Variants in KDM4A observed in about 807,000 individuals in gnomAD.
KDM4A encodes lysine-specific demethylase 4A.
In KDM4A, 23 loss-of-function variants were observed where a neutral mutation model predicts 127.1. The ratio of observed to expected loss-of-function variants is 0.18; its 90% confidence interval spans 0.13 to 0.26. The LOEUF is 0.26. Ranked by LOEUF, KDM4A falls within the 10% of genes least tolerant of loss-of-function variation. KDM4A has a pLI of 1.00. For synonymous variants in KDM4A, 443 were observed against 466.5 expected, an observed-to-expected ratio of 0.95 and a Z score of 0.65; for missense variants, 890 against 1,329.1, an observed-to-expected ratio of 0.67 and a Z score of 5.14.
At chr1:43,689,658 C>G (rs1352908353) in intron 13 of KDM4A, among the ~76,000 whole-genome samples, 4 of 152,204 alleles carry the variant, frequency 2.6e-5, no homozygotes, top group African/African-American at 9.7e-5. Context: ...ATTGGTGGAT[C>G]TCTTTGGGTC....
Position 43,704,912 on chromosome 1 carries a change from G to C in KDM4A, c.*542G>C, listed in dbSNP as rs1661514748. 1 of 156,148 alleles carries C rather than the reference G, an allele frequency of 6.4e-6. No individual in the cohort carries two copies. The highest frequency in any genetic ancestry group is 2.0e-4 in the South Asian group (1 of 5,076). The allele number at this position is 156,148 out of a possible 1,614,324, so 9.7% of individuals were successfully genotyped here. ...TTCTGCCCTCAGCTGAGCTGAGTAA[G>C]GGCTCCTGGGGGTTGGCTGGAGATG... On this transcript the variant is annotated 3_prime_UTR_variant, in exon 22 of 22. Coordinates refer to ENST00000372396, the MANE Select transcript of KDM4A (RefSeq NM_014663.3).
intron 19 of KDM4A, chr1:43,702,776 A>G (rs1487270273): frequency 6.6e-6 from 1 of 152,106 alleles, no homozygotes; most frequent in Non-Finnish European, 1.5e-5. Context: ...CATGCCTGTA[A>G]TCCCACCACT....
At chr1:43,670,658 G>A (rs1660598320) in intron 10 of KDM4A, among the ~76,000 whole-genome samples, 1 of 150,996 alleles carries the variant, frequency 6.6e-6, no homozygotes, top group African/African-American at 2.5e-5. Context: ...CCGCCTCCCG[G>A]GTTCAAGTGA....
intron 10 of KDM4A, 123 bp downstream of exon 10, chr1:43,669,422 A>G: frequency 2.1e-6 from 2 of 969,188 alleles, no homozygotes; most frequent in East Asian, 4.9e-5. Flanking sequence ...AGCAGATAGC[A>G]TACTTGGAGT....
chr1:43,672,491 GTTTTTTTTTCTTT>G lies in KDM4A; in HGVS notation c.1734+625_1734+637del, dbSNP rs1175219058. The stretch of plus-strand genomic sequence containing the variant: ...CGTGAGCCACTGTGGCTGGCCTTTT[GTTTTTTTTTCTTT>G]TTTTTTTTGAGACGGGGTCTCGCTC... On this transcript the variant is annotated intron_variant, in intron 11 of 21. Coordinates refer to ENST00000372396, the MANE Select transcript of KDM4A (RefSeq NM_014663.3). Among the ~76,000 whole-genome samples, 5 of 138,196 alleles carry G rather than the reference GTTTTTTTTTCTTT, an allele frequency of 3.6e-5. No individual in the cohort carries two copies. In the East Asian group the frequency reaches 1.1e-3, roughly 31 times the overall value. 90.7% of individuals were successfully genotyped at this position (138,196 alleles called of 152,430 possible). A position where few individuals can be genotyped will look rare whatever the true frequency, so the allele number is the denominator to read the frequency against.
At position 43,683,668 on chromosome 1, in the gene KDM4A, C is replaced by T. The variant is rs753291829; in HGVS notation, c.1735-16C>T. 6.8e-6 allele frequency: 11 copies of T among 1,609,652 alleles called. No homozygotes were observed. Among genetic ancestry groups the T allele is most frequent in the Non-Finnish European group, 8.5e-6 (10 of 1,177,600 alleles). ...AGTGGAGACAAGACCAATTTAATTT[C>T]TTGTGGTTTGCCCAGGTTGCAGATG... is the stretch of plus-strand genomic sequence containing the variant. On this transcript the variant is annotated splice_polypyrimidine_tract_variant and intron_variant, in intron 11 of 21. Coordinates refer to ENST00000372396, the MANE Select transcript of KDM4A (RefSeq NM_014663.3).
chr1:43,703,592 C>T (rs762195366), intron 19 of KDM4A, 25 bp from the exon 20 acceptor site: 1 of 1,612,702 alleles, frequency 6.2e-7, no homozygotes, highest in Non-Finnish European at 8.5e-7. Context: ...GTTCCTTTCA[C>T]CCTCCTTCCT....
intron 12 of KDM4A, among the ~76,000 whole-genome samples, chr1:43,684,458 G>A (rs1355789642): frequency 1.3e-5 from 2 of 152,124 alleles, no homozygotes; most frequent in Non-Finnish European, 2.9e-5. Flanking sequence ...AGCCGAGATG[G>A]TGCCACTGCA....
At chr1:43,699,731 T>C (rs1019654491) in intron 19 of KDM4A, 4 of 151,722 alleles carry the variant, frequency 2.6e-5, no homozygotes, top group Admixed American at 6.6e-5. Flanking sequence ...GTCTTTTTTT[T>C]TTTTTTTTGA....
chr1:43,694,687 GT>G lies in KDM4A; in HGVS notation c.2485-18del. On this transcript the variant is annotated intron_variant, in intron 17 of 21. Coordinates refer to ENST00000372396, the MANE Select transcript of KDM4A (RefSeq NM_014663.3). The surrounding 1 kb of genome is among the most constrained non-coding windows in gnomAD (Gnocchi z 5.2). ...GCAGTGCCAGTTCCTGCAATCACTG[GT>G]TTTCTTCCCCTGTGCTACAGAAATG... The G allele has an allele frequency of 6.3e-7, 1 of 1,589,120 alleles. No homozygotes were observed. The highest frequency in any genetic ancestry group is 8.6e-7 in the Non-Finnish European group (1 of 1,159,884).
chr1:43,703,919 T>A (rs1361989790), intron 20 of KDM4A, 101 bp from the exon 21 acceptor site: 6 of 1,312,348 alleles, frequency 4.6e-6, no homozygotes, highest in African/African-American at 1.5e-5. Context: ...ATTTTAGTGT[T>A]CTAACTCCTT....
chr1:43,680,115 T>C (rs1570849892), intron 11 of KDM4A, among the ~76,000 whole-genome samples: 1 of 152,156 alleles, frequency 6.6e-6, no homozygotes, highest in Non-Finnish European at 1.5e-5. Flanking sequence ...GCGGATGCCA[T>C]GGTAGCAGGA....
At chr1:43,690,731 G>C (rs1275741970) in intron 13 of KDM4A, 114 bp from the exon 14 acceptor site, 3 of 957,972 alleles carry the variant, frequency 3.1e-6, no homozygotes, top group Non-Finnish European at 5.1e-6. Flanking sequence ...GCACCCGGGA[G>C]CTGTAGCCAT....
At position 43,668,917 on chromosome 1, in the gene KDM4A, T is replaced by C. The variant is rs1660559211; in HGVS notation, c.1164-183T>C. 2.0e-5 allele frequency among the ~76,000 whole-genome samples: 3 copies of C among 152,328 alleles called. No homozygotes were observed. In the South Asian group the frequency reaches 6.2e-4, roughly 32 times the overall value. On this transcript the variant is annotated intron_variant, in intron 9 of 21. Coordinates refer to ENST00000372396, the MANE Select transcript of KDM4A (RefSeq NM_014663.3). Reference sequence around the variant, plus strand: ...GTAATACCTGTATTTTCCAGATGATTGAACAAGGTCAGAGAGGTGAAGTCC... The same window carrying C: ...GTAATACCTGTATTTTCCAGATGATCGAACAAGGTCAGAGAGGTGAAGTCC...
At chr1:43,654,833 TAACTA>T (rs138765573) in intron 2 of KDM4A, among the ~76,000 whole-genome samples, 3,991 of 152,010 alleles carry the variant, frequency 0.026, 177 homozygotes, top group African/African-American at 0.092. Flanking sequence ...CTATCTTACT[TAACTA>T]TTCAAGATTA....
chr1:43,701,914 C>T (rs1661406393), intron 19 of KDM4A, among the ~76,000 whole-genome samples: 1 of 152,202 alleles, frequency 6.6e-6, no homozygotes, highest in Admixed American at 6.5e-5. Flanking sequence ...AACACATGTA[C>T]TCAATGATTA....
At chr1:43,664,262 C>A (rs907487896) in intron 5 of KDM4A, among the ~76,000 whole-genome samples, 26 of 152,174 alleles carry the variant, frequency 1.7e-4, no homozygotes, top group African/African-American at 6.3e-4. Flanking sequence ...ACGCAGAGCT[C>A]CTGGATTAAG....
At chr1:43,658,397 T>C (rs554413726) in intron 3 of KDM4A, among the ~76,000 whole-genome samples, 1 of 151,968 alleles carries the variant, frequency 6.6e-6, no homozygotes, top group East Asian at 1.9e-4. Flanking sequence ...TGAAACAGAT[T>C]AGTTGACAAT....
chr1:43,655,540 C>T, intron 2 of KDM4A, 51 bp from the exon 3 acceptor site: 1 of 1,511,372 alleles, frequency 6.6e-7, no homozygotes, highest in Non-Finnish European at 9.0e-7. Context: ...TGGACTCTGA[C>T]TGGCTTGCCA....
Sources: allele counts gnomAD v4.1 joint callset (sites outside exome capture counted in the v4.1 genomes callset), GRCh38; gene constraint gnomAD v4.1.1; non-coding constraint Gnocchi (gnomAD v3.1); transcripts MANE v1.5; gene names NCBI Gene and HGNC (gene_info 2026-07-23, HGNC 2026-07-21).